The following SLC2A7 variants were observed in gnomAD, a reference collection of about 807,000 sequenced individuals.
The protein encoded by SLC2A7 is solute carrier family 2 member 7.
Under a neutral mutation model 50.5 loss-of-function variants are expected in SLC2A7, and 50 were observed. That is an observed-to-expected ratio of 0.99 (90% CI 0.79 to 1.25). The LOEUF (loss-of-function observed/expected upper bound fraction) is 1.25, where lower values mean the gene tolerates loss of function less well. Ranked by LOEUF, SLC2A7 falls within the 50% of genes most tolerant of loss-of-function variation. The pLI, the probability that SLC2A7 is intolerant of heterozygous loss-of-function variation, is 0.00. For missense variants in SLC2A7, 683 were observed against 679.1 expected, an observed-to-expected ratio of 1.01 and a Z score of -0.06; for synonymous variants, 308 against 300.4, an observed-to-expected ratio of 1.03 and a Z score of -0.26.
chr1:9,018,135 G>A (rs903939894), intron 5 of SLC2A7, 88 bp downstream of exon 5: 74 of 1,551,742 alleles, frequency 4.8e-5, no homozygotes, highest in Admixed American at 8.8e-5. Flanking sequence ...ATCATCTCTC[G>A]GGTCTCATCT....
Position 9,025,027 on chromosome 1 carries a change from G to GCCAAA in SLC2A7, c.94_98dup (p.Ser34LeufsTer78). On this transcript the variant is annotated frameshift_variant, in exon 2 of 12. Coordinates refer to ENST00000400906, the MANE Select transcript of SLC2A7 (RefSeq NM_207420.3). LOFTEE classifies it high-confidence loss of function. ...GGTTGTAGCCGTACTGGAAGGCTGA[G>GCCAAA]CCAAAGGCCGCGCTCAGTGTCGCCA... is the stretch of plus-strand genomic sequence containing the variant. 6.2e-7 allele frequency: 1 copy of GCCAAA among 1,613,966 alleles called. No individual in the cohort carries two copies. The highest frequency in any genetic ancestry group is 8.5e-7 in the Non-Finnish European group (1 of 1,180,016).
the SLC2A7 span, among the ~76,000 whole-genome samples, chr1:8,994,130 T>C: frequency 1.3e-5 from 2 of 152,240 alleles, no homozygotes; most frequent in African/African-American, 2.4e-5. Flanking sequence ...GTTACTCCTG[T>C]AAGCTGCCTA....
At chr1:9,020,947 T>C (rs1640904778) in intron 3 of SLC2A7, among the ~76,000 whole-genome samples, 1 of 152,192 alleles carries the variant, frequency 6.6e-6, no homozygotes, top group South Asian at 2.1e-4. Flanking sequence ...TCATGGAAGA[T>C]GTAACTTGCC....
chr1:9,014,805 G>A lies in SLC2A7; in HGVS notation c.779C>T (p.Ala260Val). 2 of 1,603,936 alleles carry A rather than the reference G, an allele frequency of 1.2e-6. No individual in the cohort carries two copies. The highest frequency in any genetic ancestry group is 8.5e-7 in the Non-Finnish European group (1 of 1,176,284). ...GTGGCCCTCGGCGCGCTCGGCCCGGGCCTCCGCACGCATGTCCTCCAGCTC... is the reference window on the plus strand; with the variant it reads ...GTGGCCCTCGGCGCGCTCGGCCCGGACCTCCGCACGCATGTCCTCCAGCTC... ...EAELEDMRAE[A>V]RAERAEGHLS... Residue 260 changes from alanine (A) to valine (V), a missense_variant, in exon 7 of 12, where the codon GCC becomes GTC. Coordinates refer to ENST00000400906, the MANE Select transcript of SLC2A7 (RefSeq NM_207420.3).
At chr1:9,023,111 T>TCCAC in intron 2 of SLC2A7, 33 bp from the exon 3 acceptor site, 2 of 1,600,560 alleles carry the variant, frequency 1.2e-6, no homozygotes, top group South Asian at 1.1e-5. Flanking sequence ...CAGCTAAGAA[T>TCCAC]ATTGGGCAGT....
Position 9,003,252 on chromosome 1 carries a change from C to A in SLC2A7, c.*48G>T, listed in dbSNP as rs367792039. The stretch of plus-strand genomic sequence containing the variant: ...AGCCTGGGGCCGGGAGGCCCATTGT[C>A]ATAGAAGGAAGCCTTGAATATGGGC... On this transcript the variant is annotated 3_prime_UTR_variant, in exon 12 of 12. Transcript: ENST00000400906. 26 of 1,589,674 alleles carry A rather than the reference C, an allele frequency of 1.6e-5. No individual in the cohort carries two copies. In the African/African-American group the frequency reaches 3.4e-4, roughly 21 times the overall value.
At chr1:9,010,343 CCTTTCTTTCTTTTGT>C in intron 8 of SLC2A7, 99 bp from the exon 9 acceptor site, 1 of 884,446 alleles carries the variant, frequency 1.1e-6, no homozygotes, top group Non-Finnish European at 1.8e-6. Flanking sequence ...CTTAGGTGCC[CCTTTCTTTCTTTTGT>C]CTTTCTTTCT....
chr1:9,019,013 C>T (rs1187921558), intron 4 of SLC2A7, among the ~76,000 whole-genome samples, 196 bp downstream of exon 4: 1 of 152,036 alleles, frequency 6.6e-6, no homozygotes, highest in African/African-American at 2.4e-5. Context: ...GAGGCTCTGT[C>T]TCTAAAAAAA....
intron 9 of SLC2A7, among the ~76,000 whole-genome samples, chr1:9,009,051 C>G (rs1350485532): frequency 1.3e-5 from 2 of 152,238 alleles, no homozygotes; most frequent in Admixed American, 1.3e-4. Flanking sequence ...CAGCTCTTTC[C>G]CACATGGAGC....
In SLC2A7 at chr1:9,015,121, T is replaced by C. The variant is rs957712680; in HGVS notation, c.711A>G (p.Arg237=). 6.2e-7 allele frequency: 1 copy of C among 1,613,276 alleles called. No individual in the cohort carries two copies. The highest frequency in any genetic ancestry group is 1.7e-5 in the Admixed American group (1 of 59,910). The part of the protein sequence containing the change: ...LIQKGDEATA[R]QALRRLRGHT... Reference sequence around the variant, plus strand: ...GAGTAGCCGGCGACTTCATACCTTGTCGCGCTGTGGCTTCATCTCCTTTCT... The same window carrying C: ...GAGTAGCCGGCGACTTCATACCTTGCCGCGCTGTGGCTTCATCTCCTTTCT... The change falls in exon 6 of 12, where the codon CGA becomes CGG. Residue 237 remains arginine, a synonymous_variant. Coordinates refer to ENST00000400906, the MANE Select transcript of SLC2A7 (RefSeq NM_207420.3).
At chr1:9,007,248 T>C in intron 10 of SLC2A7, 62 bp downstream of exon 10, 1 of 1,572,862 alleles carries the variant, frequency 6.4e-7, no homozygotes, top group African/African-American at 1.3e-5. Context: ...GAGCACTGAC[T>C]GTGTGTCAGG....
In SLC2A7 at chr1:9,019,291, G is replaced by T; in HGVS notation, c.354C>A (p.Pro118=). The T allele has an allele frequency of 6.2e-7, 1 of 1,614,074 alleles. No individual in the cohort carries two copies. Among genetic ancestry groups the T allele is most frequent in the South Asian group, 1.1e-5 (1 of 91,068 alleles). ...CTTTGCTGACTCCCATCAGGATGGC[G>T]GGGATGATGGCAAAGATGTTGTTGA... ...LLINNIFAII[P]AILMGVSKVA... The change falls in exon 4 of 12, where the codon CCC becomes CCA. Residue 118 remains proline, a synonymous_variant. Transcript: ENST00000400906.
intron 8 of SLC2A7, 75 bp downstream of exon 8, chr1:9,013,450 C>G (rs751095722): frequency 3.0e-6 from 4 of 1,328,744 alleles, no homozygotes; most frequent in Non-Finnish European, 4.2e-6. Context: ...TCAGTTCACT[C>G]TGTGGGGCTC....
At chr1:9,010,288 C>A in intron 8 of SLC2A7, 44 bp from the exon 9 acceptor site, 4 of 1,512,842 alleles carry the variant, frequency 2.6e-6, no homozygotes, top group Non-Finnish European at 3.6e-6. Flanking sequence ...TGGCCTGGCG[C>A]CCACGGTTCT....
Position 9,008,772 on chromosome 1 carries a change from T to C in SLC2A7, c.1116+1371A>G, listed in dbSNP as rs181196337. Reference sequence around the variant, plus strand: ...CCACCACACCCGACTAAATTTTGTATTTTTAATAGAGACGGGGTTTCACCA... The same window carrying C: ...CCACCACACCCGACTAAATTTTGTACTTTTAATAGAGACGGGGTTTCACCA... On this transcript the variant is annotated intron_variant, in intron 9 of 11. Transcript: ENST00000400906. The surrounding 1 kb of genome is among the most constrained non-coding windows in gnomAD (Gnocchi z 5.9). 1.1e-3 allele frequency among the ~76,000 whole-genome samples: 165 copies of C among 152,216 alleles called. No homozygotes were observed. The highest frequency in any genetic ancestry group is 3.8e-3 in the African/African-American group (157 of 41,538).
intron 11 of SLC2A7, among the ~76,000 whole-genome samples, chr1:9,004,397 G>T (rs1197367038): frequency 1.3e-5 from 2 of 151,870 alleles, no homozygotes; most frequent in East Asian, 1.9e-4. Context: ...GTGCCCTGAA[G>T]GTGCTGAGAG....
chr1:9,025,942 C>T (rs191868841), intron 1 of SLC2A7, among the ~76,000 whole-genome samples: 1 of 152,298 alleles, frequency 6.6e-6, no homozygotes, highest in Non-Finnish European at 1.5e-5. Context: ...TAGCTCTGCA[C>T]ATCCAGGAAC....
At chr1:9,012,885 TTTG>T (rs934503027) in intron 8 of SLC2A7, among the ~76,000 whole-genome samples, 7 of 152,104 alleles carry the variant, frequency 4.6e-5, no homozygotes, top group African/African-American at 1.2e-4. Context: ...AAGGTTTTTC[TTTG>T]TTGTTGTTGT....
chr1:9,007,825 G>A (rs1040891690), intron 9 of SLC2A7, among the ~76,000 whole-genome samples: 21 of 150,642 alleles, frequency 1.4e-4, no homozygotes, highest in African/African-American at 4.6e-4. Flanking sequence ...TGCAGCCTCC[G>A]CCTCCCGGGT....
Sources: gnomAD v4.1 joint callset for allele counts (sites outside exome capture counted in the v4.1 genomes callset) on GRCh38, gnomAD v4.1.1 for gene constraint, Gnocchi (gnomAD v3.1) non-coding constraint, MANE v1.5 for transcripts, NCBI Gene and HGNC (gene_info 2026-07-23, HGNC 2026-07-21) for gene names.